AEN: variants seen among roughly 807,000 people sequenced by gnomAD.
AEN encodes apoptosis enhancing nuclease.
In AEN, 21 loss-of-function variants were observed where a neutral mutation model predicts 17.7. That is an observed-to-expected ratio of 1.19 (90% CI 0.84 to 1.71). AEN has a LOEUF of 1.71. Ranked by LOEUF, AEN falls within the 40% of genes most tolerant of loss-of-function variation. AEN has a pLI of 0.00. For synonymous variants in AEN, 190 were observed against 173.0 expected (o/e 1.10, Z -0.77); for missense variants, 462 against 435.9 (o/e 1.06, Z -0.53).
At chr15:88,628,710 G>C (rs903111183) in intron 2 of AEN, 2 of 153,822 alleles carry the variant, frequency 1.3e-5, no homozygotes, top group African/African-American at 4.8e-5. Context: ...ATCAATAAAT[G>C]TAATGCTTTC....
chr15:88,608,512 T>C, the AEN span, among the ~76,000 whole-genome samples: 2 of 152,332 alleles, frequency 1.3e-5, no homozygotes, highest in East Asian at 3.9e-4. Flanking sequence ...AAATAGATAA[T>C]TGGTCCTCAT....
At chr15:88,609,275 G>A in the AEN span, among the ~76,000 whole-genome samples, 1 of 152,202 alleles carries the variant, frequency 6.6e-6, no homozygotes, top group Non-Finnish European at 1.5e-5. Context: ...CTCAAACTCA[G>A]TTGTGCTTAA....
At chr15:88,612,363 C>A in the AEN span, among the ~76,000 whole-genome samples, 7 of 151,872 alleles carry the variant, frequency 4.6e-5, no homozygotes, top group Non-Finnish European at 1.0e-4. Context: ...GCAGGGGGGA[C>A]ACACCTGACC....
Position 88,629,372 on chromosome 15 carries a change from G to C in AEN, c.687G>C (p.Arg229=). 6.2e-7 allele frequency: 1 copy of C among 1,614,028 alleles called. No individual in the cohort carries two copies. The highest frequency in any genetic ancestry group is 1.1e-5 in the South Asian group (1 of 91,066). The change falls in exon 3 of 4, where the codon CGG becomes CGC. Residue 229 remains arginine, a synonymous_variant. Transcript: ENST00000332810. ...TCAGCGAGCCCGGCCTCCACACCCG[G>C]GCCCGGGTCTCTCTAAAGGACCTGG... is the stretch of plus-strand genomic sequence containing the variant. ...NFLSEPGLHT[R]ARVSLKDLAL... is the part of the protein sequence containing the mutation.
intron 1 of AEN, among the ~76,000 whole-genome samples, chr15:88,624,094 C>T (rs1404258994): frequency 6.6e-6 from 1 of 152,244 alleles, no homozygotes. Flanking sequence ...CTCCCTAGCA[C>T]CTCTGCTTCA....
the AEN span, among the ~76,000 whole-genome samples, chr15:88,605,664 C>G: frequency 1.3e-5 from 2 of 152,234 alleles, no homozygotes; most frequent in Non-Finnish European, 2.9e-5. The surrounding 1 kb of genome is among the most constrained non-coding windows in gnomAD (Gnocchi z 7.6). Flanking sequence ...TGAAAGAGAG[C>G]GCCTAATGCC....
chr15:88,613,604 G>A, the AEN span, among the ~76,000 whole-genome samples: 1 of 151,530 alleles, frequency 6.6e-6, no homozygotes, highest in Admixed American at 6.6e-5. Context: ...GATGTGGGGT[G>A]CATTCCTGAT....
At chr15:88,614,871 G>T in the AEN span, among the ~76,000 whole-genome samples, 520 of 151,564 alleles carry the variant, frequency 3.4e-3, 3 homozygotes, top group African/African-American at 0.012. Flanking sequence ...GTGCTTTTTT[G>T]TTGTTGTTGT....
Position 88,629,357 on chromosome 15 carries a change from C to A in AEN, c.672C>A (p.Pro224=). 2.5e-6 allele frequency: 4 copies of A among 1,614,116 alleles called. No individual in the cohort carries two copies. Among genetic ancestry groups the A allele is most frequent in the Non-Finnish European group, 3.4e-6 (4 of 1,180,010 alleles). The change falls in exon 3 of 4, where the codon CCC becomes CCA. Residue 224 remains proline (P), a synonymous_variant. Transcript: ENST00000332810. ...TTYVPNFLSE[P]GLHTRARVSL... is the part of the protein sequence containing the mutation. ...ATGTCCCAAACTTCCTCAGCGAGCC[C>A]GGCCTCCACACCCGGGCCCGGGTCT... is the stretch of plus-strand genomic sequence containing the variant.
the AEN span, among the ~76,000 whole-genome samples, chr15:88,608,566 C>G: frequency 6.6e-6 from 1 of 152,194 alleles, no homozygotes; most frequent in Non-Finnish European, 1.5e-5. Context: ...AGATGGAAAG[C>G]TAGAAGTCGG....
At position 88,629,261 on chromosome 15, in the gene AEN, G is replaced by A. The variant is rs1347233214; in HGVS notation, c.576G>A (p.Gly192=). The part of the protein sequence containing the change: ...LKLLKGKVVV[G]HALHNDFQAL... ...TCCTGAAGGGCAAGGTGGTGGTGGG[G>A]CACGCGCTGCACAACGACTTCCAGG... The change falls in exon 3 of 4, where the codon GGG becomes GGA. Residue 192 remains glycine (G), a synonymous_variant. Coordinates refer to ENST00000332810, the MANE Select transcript of AEN (RefSeq NM_022767.4). 14 of 1,613,992 alleles carry A rather than the reference G, an allele frequency of 8.7e-6. No individual in the cohort carries two copies. Among genetic ancestry groups the A allele is most frequent in the African/African-American group, 1.3e-5 (1 of 74,890 alleles).
At chr15:88,616,069 C>G in the AEN span, among the ~76,000 whole-genome samples, 2 of 151,258 alleles carry the variant, frequency 1.3e-5, no homozygotes, top group African/African-American at 2.4e-5. Context: ...ATAAAGGAGC[C>G]CTCGTCTTTG....
At chr15:88,605,632 G>T in the AEN span, among the ~76,000 whole-genome samples, 2 of 152,204 alleles carry the variant, frequency 1.3e-5, no homozygotes, top group Non-Finnish European at 2.9e-5. This position sits in a 1 kb window ranked among gnomAD's most constrained non-coding sequence, Gnocchi z 7.6. Context: ...CGGGGATTGC[G>T]CCCTGGGAGA....
Position 88,626,156 on chromosome 15 carries a change from C to T in AEN, c.-54C>T, listed in dbSNP as rs2057848649. On this transcript the variant is annotated 5_prime_UTR_variant, in exon 2 of 4. Coordinates refer to ENST00000332810, the MANE Select transcript of AEN (RefSeq NM_022767.4). ...GTGTTCTCTCTTCAGGCTGCTGCCC[C>T]ATTGGAAGATTACTCCCCAGGCTTC... is the stretch of plus-strand genomic sequence containing the variant. 6.6e-7 allele frequency: 1 copy of T among 1,514,342 alleles called. No homozygotes were observed. Among genetic ancestry groups the T allele is most frequent in the Non-Finnish European group, 8.8e-7 (1 of 1,135,106 alleles). The allele number at this position is 1,514,342 out of a possible 1,614,324, so 93.8% of individuals were successfully genotyped here. A position where few individuals can be genotyped will look rare whatever the true frequency, so the allele number is the denominator to read the frequency against.
the AEN span, among the ~76,000 whole-genome samples, chr15:88,615,056 A>G: frequency 1.3e-5 from 2 of 151,074 alleles, no homozygotes; most frequent in South Asian, 2.1e-4. Flanking sequence ...TAGTAGAGAA[A>G]GGGTTTCACT....
At chr15:88,614,914 G>A in the AEN span, among the ~76,000 whole-genome samples, 2 of 152,092 alleles carry the variant, frequency 1.3e-5, no homozygotes, top group Non-Finnish European at 2.9e-5. Flanking sequence ...GTGAGATGGA[G>A]TCTCGCTCTG....
chr15:88,625,860 C>T (rs2057844555), intron 1 of AEN, among the ~76,000 whole-genome samples: 1 of 152,228 alleles, frequency 6.6e-6, no homozygotes, highest in African/African-American at 2.4e-5. Flanking sequence ...TTCTTCACCT[C>T]TGTGCCTCAG....
In AEN at chr15:88,630,327, G is replaced by T. The variant is rs1414728114; in HGVS notation, c.*33G>T. 8 of 1,547,038 alleles carry T rather than the reference G, an allele frequency of 5.2e-6. No homozygotes were observed. The East Asian group carries it at 9.7e-5, about 19-fold the overall frequency. Reference sequence around the variant, plus strand: ...GCGGGGCTCCCTGGCTGGGCTTCCGGTGTGGCCGGTAGGAAGTGGGGGCCA... The same window carrying T: ...GCGGGGCTCCCTGGCTGGGCTTCCGTTGTGGCCGGTAGGAAGTGGGGGCCA... On this transcript the variant is annotated 3_prime_UTR_variant, in exon 4 of 4. Coordinates refer to ENST00000332810, the MANE Select transcript of AEN (RefSeq NM_022767.4). The surrounding 1 kb of genome is among the most constrained non-coding windows in gnomAD (Gnocchi z 5.1).
Position 88,630,991 on chromosome 15 carries a change from C to A in AEN, c.*697C>A. 1 of 391,978 alleles carries A rather than the reference C, an allele frequency of 2.6e-6. No homozygotes were observed. The highest frequency in any genetic ancestry group is 2.7e-5 in the Admixed American group (1 of 36,756). The allele number at this position is 391,978 out of a possible 1,614,324, so 24.3% of individuals were successfully genotyped here. A position where few individuals can be genotyped will look rare whatever the true frequency, so the allele number is the denominator to read the frequency against. On this transcript the variant is annotated 3_prime_UTR_variant, in exon 4 of 4. Transcript: ENST00000332810. This position sits in a 1 kb window ranked among gnomAD's most constrained non-coding sequence, Gnocchi z 5.1. ...TTCTCGTGGGGAGTTGGCTCCTTAACATTTCTTGGCAACAGAAAGCCCCAG... is the reference window on the plus strand; with the variant it reads ...TTCTCGTGGGGAGTTGGCTCCTTAAAATTTCTTGGCAACAGAAAGCCCCAG...
Sources: allele counts gnomAD v4.1 joint callset (sites outside exome capture counted in the v4.1 genomes callset), GRCh38; gene constraint gnomAD v4.1.1; non-coding constraint Gnocchi (gnomAD v3.1); transcripts MANE v1.5; gene names NCBI Gene and HGNC (gene_info 2026-07-23, HGNC 2026-07-21).